The following ACAN variants were observed in gnomAD, a reference collection of about 807,000 sequenced individuals.
The protein encoded by ACAN is aggrecan.
In ACAN, 47 loss-of-function variants were observed where a neutral mutation model predicts 169.1. The observed-to-expected ratio is 0.28, with a 90% CI of 0.22 to 0.35. The LOEUF (loss-of-function observed/expected upper bound fraction) is 0.35. Among genes scored for constraint, ACAN ranks in the 10% least tolerant of loss-of-function variants. The pLI, the probability that ACAN is intolerant of heterozygous loss-of-function variation, is 1.00. For missense variants in ACAN, 2,716 were observed against 2,759.9 expected (o/e 0.98, Z 0.36); for synonymous variants, 1,115 against 1,112.2 (o/e 1.00, Z -0.05).
At chr15:88,821,555 T>G (rs975490090) in intron 1 of ACAN, among the ~76,000 whole-genome samples, 12 of 152,126 alleles carry the variant, frequency 7.9e-5, no homozygotes, top group Admixed American at 2.0e-4. Context: ...GAGTCTTCCA[T>G]ATGGTGAGTG....
rs753562846 is a variant in ACAN, at chr15:88,838,637, T to C, written c.71-26T>C. The C allele has an allele frequency of 1.3e-6, 2 of 1,554,918 alleles. No individual in the cohort carries two copies. Among genetic ancestry groups the C allele is most frequent in the Non-Finnish European group, 1.7e-6 (2 of 1,147,430 alleles). On this transcript the variant is annotated intron_variant, in intron 2 of 18. Transcript: ENST00000560601. This position sits in a 1 kb window ranked among gnomAD's most constrained non-coding sequence, Gnocchi z 5.1. ...TCCTCTCTAGGCACTAACAGGTCTC[T>C]CTTCTACCCCACCTCTCCCACACAG...
At chr15:88,865,582 A>T (rs1897266331) in intron 13 of ACAN, among the ~76,000 whole-genome samples, 1 of 152,106 alleles carries the variant, frequency 6.6e-6, no homozygotes, top group Non-Finnish European at 1.5e-5. Flanking sequence ...GGCTCACAGG[A>T]GGTTCTTGAG....
Position 88,871,547 on chromosome 15 carries a change from G to A in ACAN, c.7219+7G>A. The A allele has an allele frequency of 1.2e-6, 2 of 1,608,968 alleles. No homozygotes were observed. The highest frequency in any genetic ancestry group is 1.7e-6 in the Non-Finnish European group (2 of 1,177,862). On this transcript the variant is annotated splice_region_variant and intron_variant, in intron 15 of 18. Coordinates refer to ENST00000560601, the MANE Select transcript of ACAN (RefSeq NM_001369268.1). The surrounding 1 kb of genome is among the most constrained non-coding windows in gnomAD (Gnocchi z 7.8). ...GAGCAGGAGTTTGTCAACAGTGAGT[G>A]CGGCGGGGCCTCTGGAGCCTGAGAG...
intron 1 of ACAN, among the ~76,000 whole-genome samples, chr15:88,820,772 T>C (rs964375939): frequency 2.0e-5 from 3 of 152,146 alleles, no homozygotes; most frequent in Admixed American, 6.5e-5. Flanking sequence ...TTGTAGGAAT[T>C]TTTTTTGAGA....
At chr15:88,824,192 C>T (rs912079166) in intron 1 of ACAN, among the ~76,000 whole-genome samples, 4 of 151,974 alleles carry the variant, frequency 2.6e-5, no homozygotes, top group African/African-American at 9.7e-5. Flanking sequence ...GGCGTGGTGG[C>T]GGGCACCTGT....
Position 88,803,465 on chromosome 15 carries a change from G to C in ACAN, c.-352G>C, listed in dbSNP as rs941221214. The C allele has an allele frequency of 1.7e-4, 17 of 100,492 alleles. No individual in the cohort carries two copies. Among genetic ancestry groups the C allele is most frequent in the African/African-American group, 4.8e-4 (13 of 26,862 alleles). The allele number at this position is 100,492 out of a possible 1,614,324, so 6.2% of individuals were successfully genotyped here. A position where few individuals can be genotyped will look rare whatever the true frequency, so the allele number is the denominator to read the frequency against. ...GCCCACCTACCTCCCCGCCGCTCCAGAGGGGGCTCGCAGAGCTGAGGACGC... is the reference window on the plus strand; with the variant it reads ...GCCCACCTACCTCCCCGCCGCTCCACAGGGGGCTCGCAGAGCTGAGGACGC... On this transcript the variant is annotated 5_prime_UTR_variant, in exon 1 of 19. Coordinates refer to ENST00000560601, the MANE Select transcript of ACAN (RefSeq NM_001369268.1).
intron 6 of ACAN, among the ~76,000 whole-genome samples, chr15:88,844,873 T>C (rs1567178426): frequency 6.6e-6 from 1 of 152,234 alleles, no homozygotes; most frequent in Non-Finnish European, 1.5e-5. Context: ...TAAGTGGTGA[T>C]AACACAATGA....
At position 88,851,752 on chromosome 15, in the gene ACAN, G is replaced by A; in HGVS notation, c.2027-42G>A. On this transcript the variant is annotated intron_variant, in intron 10 of 18. Coordinates refer to ENST00000560601, the MANE Select transcript of ACAN (RefSeq NM_001369268.1). The surrounding 1 kb of genome is among the most constrained non-coding windows in gnomAD (Gnocchi z 4.3). Reference sequence around the variant, plus strand: ...AAGGGCCAGCCAAGGACGGGTCACTGGTAAGAGAGGGACTCACTCTGACCA... The same window carrying A: ...AAGGGCCAGCCAAGGACGGGTCACTAGTAAGAGAGGGACTCACTCTGACCA... 9 of 1,521,114 alleles carry A rather than the reference G, an allele frequency of 5.9e-6. No individual in the cohort carries two copies. Among genetic ancestry groups the A allele is most frequent in the Non-Finnish European group, 8.0e-6 (9 of 1,130,716 alleles). 94.2% of individuals were successfully genotyped at this position (1,521,114 alleles called of 1,614,324 possible). A position where few individuals can be genotyped will look rare whatever the true frequency, so the allele number is the denominator to read the frequency against.
intron 2 of ACAN, among the ~76,000 whole-genome samples, chr15:88,837,035 G>C (rs1896521855): frequency 6.6e-6 from 1 of 152,210 alleles, no homozygotes; most frequent in Non-Finnish European, 1.5e-5. Flanking sequence ...GCACATTCTG[G>C]GGTCCCAGGA....
Position 88,851,683 on chromosome 15 carries a change from G to A in ACAN, c.2027-111G>A. The A allele has an allele frequency of 7.6e-7, 1 of 1,323,406 alleles. No homozygotes were observed. The highest frequency in any genetic ancestry group is 1.0e-6 in the Non-Finnish European group (1 of 986,802). The allele number at this position is 1,323,406 out of a possible 1,614,324, so 82.0% of individuals were successfully genotyped here. On this transcript the variant is annotated intron_variant, in intron 10 of 18. Coordinates refer to ENST00000560601, the MANE Select transcript of ACAN (RefSeq NM_001369268.1). This position sits in a 1 kb window ranked among gnomAD's most constrained non-coding sequence, Gnocchi z 4.3. ...GGCAAACAGCCATCTGCTGAACTAG[G>A]AGGTGGGGCCTGGCCACCTCAGAGT... is the stretch of plus-strand genomic sequence containing the variant.
chr15:88,871,538 A>T lies in ACAN; in HGVS notation c.7217A>T (p.Asn2406Ile). The change falls in exon 15 of 19, where the codon AAC becomes ATC. Residue 2406 changes from asparagine (N) to isoleucine (I), a missense_variant and splice_region_variant. Physicochemically the swap from Asn to Ile is moderately radical, Grantham distance 149. This residue lies in a region of ACAN where 1,389 missense variants were observed against 1,363.7 expected (regional missense o/e 1.02). Transcript: ENST00000560601. The surrounding 1 kb of genome is among the most constrained non-coding windows in gnomAD (Gnocchi z 7.8). Reference sequence around the variant, plus strand: ...ACCCCCGAGGAGCAGGAGTTTGTCAACAGTGAGTGCGGCGGGGCCTCTGGA... The same window carrying T: ...ACCCCCGAGGAGCAGGAGTTTGTCATCAGTGAGTGCGGCGGGGCCTCTGGA... ...IVTPEEQEFV[N>I]NNAQDYQWIG... 6.2e-7 allele frequency: 1 copy of T among 1,612,200 alleles called. No individual in the cohort carries two copies. Among genetic ancestry groups the T allele is most frequent in the Non-Finnish European group, 8.5e-7 (1 of 1,179,262 alleles).
chr15:88,862,225 C>T (rs1203642989), intron 13 of ACAN, among the ~76,000 whole-genome samples: 1 of 152,154 alleles, frequency 6.6e-6, no homozygotes, highest in Non-Finnish European at 1.5e-5. Context: ...CTTCATTTTC[C>T]TCATTTGTAA....
At chr15:88,848,083 GT>G in intron 9 of ACAN, 45 bp downstream of exon 9, 1 of 1,602,780 alleles carries the variant, frequency 6.2e-7, no homozygotes, top group Non-Finnish European at 8.5e-7. Context: ...TGGGCAGGGG[GT>G]GGGCAGGGAG....
intron 1 of ACAN, among the ~76,000 whole-genome samples, chr15:88,817,282 C>A (rs1169129903): frequency 6.6e-6 from 1 of 152,074 alleles, no homozygotes; most frequent in African/African-American, 2.4e-5. Context: ...GCTGTGACTA[C>A]AGGTGTGTGC....
rs71462461 is a variant in ACAN at position 88,807,747 on chromosome 15, A to AGG, written c.-8+3939_-8+3940insGG. Among the ~76,000 whole-genome samples, 1 of 142,026 alleles carries AGG rather than the reference A, an allele frequency of 7.0e-6. No homozygotes were observed. The highest frequency in any genetic ancestry group is 1.5e-5 in the Non-Finnish European group (1 of 65,330). The allele number at this position is 142,026 out of a possible 152,430, so 93.2% of individuals were successfully genotyped here. A position where few individuals can be genotyped will look rare whatever the true frequency, so the allele number is the denominator to read the frequency against. The stretch of plus-strand genomic sequence containing the variant: ...CTCAGAGCCTCCTTATAAGTGGTGG[A>AGG]GTGTGTGTGTGTGTGTGTGTGTGTG... On this transcript the variant is annotated intron_variant, in intron 1 of 18. Coordinates refer to ENST00000560601, the MANE Select transcript of ACAN (RefSeq NM_001369268.1). The surrounding 1 kb of genome is among the most constrained non-coding windows in gnomAD (Gnocchi z 4.0).
Position 88,872,896 on chromosome 15 carries a change from C to G in ACAN, c.7318C>G (p.Arg2440Gly). The stretch of plus-strand genomic sequence containing the variant: ...CCACCCACAGCAATTTGAGAACTGG[C>G]GCCCCAACCAGCCTGACAACTTTTT... ...DGHPMQFENW[R>G]PNQPDNFFAA... The change falls in exon 17 of 19, where the codon CGC becomes GGC. Residue 2440 changes from arginine to glycine, a missense_variant. Coordinates refer to ENST00000560601, the MANE Select transcript of ACAN (RefSeq NM_001369268.1). This position sits in a 1 kb window ranked among gnomAD's most constrained non-coding sequence, Gnocchi z 5.4. The G allele has an allele frequency of 6.2e-7, 1 of 1,613,552 alleles. No individual in the cohort carries two copies. Among genetic ancestry groups the G allele is most frequent in the Admixed American group, 1.7e-5 (1 of 60,012 alleles).
chr15:88,859,109 G>T lies in ACAN; in HGVS notation c.6524G>T (p.Ser2175Ile). 6.2e-7 allele frequency: 1 copy of T among 1,613,896 alleles called. No homozygotes were observed. The highest frequency in any genetic ancestry group is 8.5e-7 in the Non-Finnish European group (1 of 1,179,900). ...PEVSGESTTTSDVGTEAPGLP... is the reference protein window; with the variant it reads ...PEVSGESTTTIDVGTEAPGLP... Reference sequence around the variant, plus strand: ...GTGAGTGGAGAATCCACCACCACCAGTGATGTGGGGACAGAGGCACCAGGC... The same window carrying T: ...GTGAGTGGAGAATCCACCACCACCATTGATGTGGGGACAGAGGCACCAGGC... The change falls in exon 12 of 19, where the codon AGT (serine) becomes ATT (isoleucine). Residue 2175 changes from serine (S) to isoleucine (I), a missense_variant. Around this residue, in one of 3 missense-constraint regions of ACAN, gnomAD observed 1,389 missense variants for 1,363.7 expected, o/e 1.02. Transcript: ENST00000560601.
chr15:88,816,530 G>C (rs528318118), intron 1 of ACAN, among the ~76,000 whole-genome samples: 1 of 152,316 alleles, frequency 6.6e-6, no homozygotes, highest in South Asian at 2.1e-4. Context: ...AGAAAGCTCT[G>C]TGAAATAGGT....
chr15:88,852,428 G>C (rs1207132834), intron 11 of ACAN, among the ~76,000 whole-genome samples: 1 of 152,114 alleles, frequency 6.6e-6, no homozygotes, highest in African/African-American at 2.4e-5. Flanking sequence ...ATCAGGGAGG[G>C]GGTTACTGTT....
Sources: allele counts gnomAD v4.1 joint callset (sites outside exome capture counted in the v4.1 genomes callset), GRCh38; gene constraint gnomAD v4.1.1; regional missense constraint gnomAD v4.1.1; non-coding constraint Gnocchi (gnomAD v3.1); transcripts MANE v1.5; gene names NCBI Gene and HGNC (gene_info 2026-07-23, HGNC 2026-07-21).